TNR: variants seen among roughly 807,000 people sequenced by gnomAD.
The protein encoded by TNR is tenascin R.
A neutral mutation model predicts 150.4 loss-of-function variants in TNR; 45 were observed. That is an observed-to-expected ratio of 0.30 (90% CI 0.24 to 0.38). The LOEUF (loss-of-function observed/expected upper bound fraction) is 0.38, where lower values mean the gene tolerates loss of function less well. Ranked by LOEUF, TNR falls within the 10% of genes least tolerant of loss-of-function variation. The pLI is 1.00. For synonymous variants in TNR, 687 were observed against 678.4 expected (o/e 1.01, Z -0.20); for missense variants, 1,544 against 1,759.1 (o/e 0.88, Z 2.19).
At chr1:175,521,285 G>C (rs114179651) in intron 2 of TNR, among the ~76,000 whole-genome samples, 1,964 of 152,278 alleles carry the variant, frequency 0.013, 56 homozygotes, top group African/African-American at 0.045. Context: ...CATCTCATTT[G>C]TTGTGGAGCT....
At chr1:175,596,862 G>A (rs1004238505) in intron 1 of TNR, among the ~76,000 whole-genome samples, 3 of 152,108 alleles carry the variant, frequency 2.0e-5, no homozygotes, top group Non-Finnish European at 4.4e-5. Context: ...CTTATTTAAT[G>A]TTCTTCCTTC....
intron 9 of TNR, among the ~76,000 whole-genome samples, chr1:175,369,936 C>T (rs75438734): frequency 0.074 from 11,197 of 152,244 alleles, 511 homozygotes; most frequent in South Asian, 0.11. Flanking sequence ...CTTACCAGGC[C>T]AGTTTCTCTC....
chr1:175,631,708 G>A (rs1368057913), intron 1 of TNR, among the ~76,000 whole-genome samples: 1 of 152,084 alleles, frequency 6.6e-6, no homozygotes, highest in Non-Finnish European at 1.5e-5. Context: ...GAGTGTGAGG[G>A]TGTGTGTGTT....
intron 9 of TNR, among the ~76,000 whole-genome samples, chr1:175,375,755 C>A (rs1652348374): frequency 6.6e-6 from 1 of 152,166 alleles, no homozygotes; most frequent in Non-Finnish European, 1.5e-5. Context: ...TTGTGCCCAG[C>A]AAAGGCCAGG....
rs370070368 is a variant in TNR at position 175,522,450 on chromosome 1, C to T, written c.-64+5819G>A. On this transcript the variant is annotated intron_variant, in intron 2 of 22. Coordinates refer to ENST00000367674, the MANE Select transcript of TNR (RefSeq NM_003285.3). ...GGGATGAAAGACCACAAATTGGGTG[C>T]GGCATATACTGCTCAGGTGATGGGT... 6.6e-5 allele frequency among the ~76,000 whole-genome samples: 10 copies of T among 152,224 alleles called. 1 individual carries two copies. The South Asian group carries it at 1.9e-3, about 28-fold the overall frequency.
intron 1 of TNR, among the ~76,000 whole-genome samples, chr1:175,694,149 A>T (rs1666447299): frequency 6.6e-6 from 1 of 152,182 alleles, no homozygotes; most frequent in Non-Finnish European, 1.5e-5. Context: ...TTTACAGTCT[A>T]GACTTTTCCT....
intron 5 of TNR, among the ~76,000 whole-genome samples, chr1:175,394,107 G>A (rs1266212391): frequency 6.6e-6 from 1 of 152,242 alleles, no homozygotes; most frequent in Admixed American, 6.5e-5. Flanking sequence ...GAATACATGA[G>A]TTAACTTAAA....
intron 1 of TNR, among the ~76,000 whole-genome samples, chr1:175,657,862 T>C (rs1665235307): frequency 2.6e-5 from 3 of 117,522 alleles, no homozygotes; most frequent in Admixed American, 1.7e-4. Context: ...TGTATATATA[T>C]ATATATATAT....
intron 1 of TNR, among the ~76,000 whole-genome samples, chr1:175,572,029 T>C (rs557825095): frequency 6.6e-6 from 1 of 152,260 alleles, no homozygotes; most frequent in South Asian, 2.1e-4. Context: ...TCATGATGCC[T>C]GCAGTCTCAT....
chr1:175,667,567 TA>T (rs1665568604), intron 1 of TNR, among the ~76,000 whole-genome samples: 1 of 152,162 alleles, frequency 6.6e-6, no homozygotes. Flanking sequence ...TGGGGAGGCA[TA>T]CAAGTAAACA....
intron 1 of TNR, among the ~76,000 whole-genome samples, chr1:175,547,000 C>A (rs1660716683): frequency 6.6e-6 from 1 of 152,184 alleles, no homozygotes; most frequent in African/African-American, 2.4e-5. Flanking sequence ...CTTTCCTTTG[C>A]ACTTTGTATA....
At chr1:175,390,754 G>A (rs1030583913) in intron 7 of TNR, among the ~76,000 whole-genome samples, 12 of 152,288 alleles carry the variant, frequency 7.9e-5, no homozygotes, top group African/African-American at 2.2e-4. Context: ...GTATATGTGC[G>A]TATACCAAGT....
intron 1 of TNR, among the ~76,000 whole-genome samples, chr1:175,573,963 C>G (rs1440176789): frequency 3.3e-5 from 5 of 152,184 alleles, no homozygotes; most frequent in Non-Finnish European, 7.4e-5. Context: ...CTTCCCATTT[C>G]CTGCATATGG....
At chr1:175,365,427 C>A (rs1251531997) in intron 11 of TNR, 148 bp from the exon 12 acceptor site, 4 of 888,892 alleles carry the variant, frequency 4.5e-6, no homozygotes, top group Non-Finnish European at 6.7e-6. Flanking sequence ...CCTCCTCACC[C>A]TCCAGTGCTG....
chr1:175,351,521 T>C (rs1290779897), intron 18 of TNR, among the ~76,000 whole-genome samples: 1 of 152,216 alleles, frequency 6.6e-6, no homozygotes, highest in East Asian at 1.9e-4. Flanking sequence ...AGGCTTTATT[T>C]TATCAGAGAC....
chr1:175,513,945 A>G (rs1277958488), intron 2 of TNR, among the ~76,000 whole-genome samples: 1 of 152,032 alleles, frequency 6.6e-6, no homozygotes, highest in Non-Finnish European at 1.5e-5. Flanking sequence ...CTTCCAGGTG[A>G]CTCTGATGTC....
chr1:175,655,494 G>T (rs771529598), intron 1 of TNR, among the ~76,000 whole-genome samples: 2 of 152,210 alleles, frequency 1.3e-5, no homozygotes, highest in Non-Finnish European at 2.9e-5. Flanking sequence ...TTCAGACCCA[G>T]ATCTGTGGGA....
At chr1:175,709,974 C>T (rs938798297) in intron 1 of TNR, among the ~76,000 whole-genome samples, 2 of 151,912 alleles carry the variant, frequency 1.3e-5, no homozygotes, top group African/African-American at 2.4e-5. Context: ...GGCAAGGCTT[C>T]GAAGCCACGT....
rs558353566 is a variant in TNR, at chr1:175,548,153, G to A, written c.-164-19784C>T. ...CTGGCACAACTGAGGCGGCTCTTAC[G>A]CAGAGGCTCTGGGCACTTCTGCGGA... On this transcript the variant is annotated intron_variant, in intron 1 of 22. Coordinates refer to ENST00000367674, the MANE Select transcript of TNR (RefSeq NM_003285.3). 6.6e-5 allele frequency among the ~76,000 whole-genome samples: 10 copies of A among 152,254 alleles called. No homozygotes were observed. The East Asian group carries it at 1.9e-3, about 29-fold the overall frequency.
Sources: gnomAD v4.1 joint callset for allele counts (sites outside exome capture counted in the v4.1 genomes callset) on GRCh38, gnomAD v4.1.1 for gene constraint, MANE v1.5 for transcripts, NCBI Gene and HGNC (gene_info 2026-07-23, HGNC 2026-07-21) for gene names.